Variants in LRRC4C observed in about 807,000 individuals in gnomAD.
LRRC4C encodes the protein leucine-rich repeat-containing protein 4C.
In LRRC4C, 5 loss-of-function variants were observed where a neutral mutation model predicts 33.6. That is an observed-to-expected ratio of 0.15 (90% CI 0.08 to 0.31). The LOEUF is 0.31. Among genes scored for constraint, LRRC4C ranks in the 10% least tolerant of loss-of-function variants. LRRC4C has a pLI of 1.00. For synonymous variants in LRRC4C, 329 were observed against 302.0 expected (o/e 1.09, Z -0.93); for missense variants, 560 against 796.7 (o/e 0.70, Z 3.58).
chr11:40,190,706 T>C (rs1861767596), intron 5 of LRRC4C, among the ~76,000 whole-genome samples: 1 of 152,182 alleles, frequency 6.6e-6, no homozygotes, highest in African/African-American at 2.4e-5. Flanking sequence ...AAAATGATTT[T>C]ACCTGAGGAT....
intron 2 of LRRC4C, among the ~76,000 whole-genome samples, chr11:40,831,121 A>G (rs1952393641): frequency 6.6e-6 from 1 of 152,162 alleles, no homozygotes; most frequent in African/African-American, 2.4e-5. Context: ...GCATAATTCA[A>G]CAAGCTTGCA....
At chr11:40,258,999 G>C (rs570819422) in intron 4 of LRRC4C, among the ~76,000 whole-genome samples, 30 of 152,264 alleles carry the variant, frequency 2.0e-4, no homozygotes, top group African/African-American at 5.3e-4. Context: ...GTATTAACTT[G>C]TTTAATGCTT....
intron 2 of LRRC4C, among the ~76,000 whole-genome samples, chr11:40,834,470 CAAA>C (rs1166883264): frequency 5.6e-5 from 4 of 71,390 alleles, no homozygotes; most frequent in Admixed American, 3.2e-4. Context: ...GATTCCATCT[CAAA>C]AAAAAAAAAA....
chr11:40,909,384 T>A (rs1312462733), intron 2 of LRRC4C, among the ~76,000 whole-genome samples: 1 of 152,172 alleles, frequency 6.6e-6, no homozygotes, highest in African/African-American at 2.4e-5. Context: ...GATAATTATA[T>A]AGAATACATT....
chr11:40,769,011 G>T (rs998731024), intron 2 of LRRC4C, among the ~76,000 whole-genome samples: 4 of 151,854 alleles, frequency 2.6e-5, no homozygotes, highest in African/African-American at 7.3e-5. Context: ...AAAAATTAAG[G>T]GCATCCAAAC....
At chr11:40,869,643 G>A (rs1048051088) in intron 2 of LRRC4C, among the ~76,000 whole-genome samples, 17 of 152,052 alleles carry the variant, frequency 1.1e-4, no homozygotes, top group South Asian at 2.1e-4. Flanking sequence ...TGTTTACAGC[G>A]TCAGTAAACA....
chr11:40,597,802 C>T (rs1488568421), intron 3 of LRRC4C, among the ~76,000 whole-genome samples: 1 of 152,076 alleles, frequency 6.6e-6, no homozygotes, highest in Non-Finnish European at 1.5e-5. Context: ...TCGCAGTCAG[C>T]CCTATAATAA....
intron 1 of LRRC4C, among the ~76,000 whole-genome samples, chr11:41,135,255 G>A (rs1473450578): frequency 6.6e-6 from 1 of 152,080 alleles, no homozygotes; most frequent in African/African-American, 2.4e-5. Flanking sequence ...GCCTAGACAA[G>A]CTTGTCTTTC....
At chr11:40,324,083 G>A (rs139176271) in intron 3 of LRRC4C, among the ~76,000 whole-genome samples, 1 of 152,344 alleles carries the variant, frequency 6.6e-6, no homozygotes, top group African/African-American at 2.4e-5. Flanking sequence ...GTTTATGTGT[G>A]TGTGTTTAGT....
chr11:41,119,541 G>A (rs909631784), intron 1 of LRRC4C, among the ~76,000 whole-genome samples: 1 of 152,192 alleles, frequency 6.6e-6, no homozygotes, highest in African/African-American at 2.4e-5. Flanking sequence ...ACCTGTTGGA[G>A]AATCCCTCAA....
At chr11:40,363,568 TA>T (rs112282046) in intron 3 of LRRC4C, among the ~76,000 whole-genome samples, 44 of 142,634 alleles carry the variant, frequency 3.1e-4, no homozygotes, top group Middle Eastern at 3.6e-3. Flanking sequence ...AAAATAAAAG[TA>T]AAAAAAAAAA....
At chr11:40,150,148 T>C (rs1389564241) in intron 5 of LRRC4C, among the ~76,000 whole-genome samples, 10 of 152,198 alleles carry the variant, frequency 6.6e-5, no homozygotes, top group Admixed American at 2.0e-4. Context: ...CCTTCTTCTC[T>C]TCTCCCTGTG....
At chr11:40,379,141 T>C (rs1948767823) in intron 3 of LRRC4C, among the ~76,000 whole-genome samples, 1 of 152,090 alleles carries the variant, frequency 6.6e-6, no homozygotes. Flanking sequence ...TAAAGATGTT[T>C]GGAGGTGTAT....
rs568167828 is a variant in LRRC4C, at chr11:41,299,525, A to G, written c.-496+159906T>C. On this transcript the variant is annotated intron_variant, in intron 1 of 6. Transcript: ENST00000528697. Reference sequence around the variant, plus strand: ...GTTATCAATCTATATCCTATAGTCAAAAAGTCACCAGTTTGTTTGATCTGT... The same window carrying G: ...GTTATCAATCTATATCCTATAGTCAGAAAGTCACCAGTTTGTTTGATCTGT... 4.6e-5 allele frequency among the ~76,000 whole-genome samples: 7 copies of G among 152,220 alleles called. No homozygotes were observed. In the East Asian group the frequency reaches 1.3e-3, roughly 29 times the overall value.
chr11:41,161,892 T>C (rs1944487456), intron 1 of LRRC4C, among the ~76,000 whole-genome samples: 1 of 152,168 alleles, frequency 6.6e-6, no homozygotes, highest in Admixed American at 6.5e-5. Context: ...CTCTAGGTGG[T>C]TTCACCAATG....
chr11:40,423,437 C>T (rs368353813), intron 3 of LRRC4C, among the ~76,000 whole-genome samples: 1 of 150,864 alleles, frequency 6.6e-6, no homozygotes, highest in Non-Finnish European at 1.5e-5. Flanking sequence ...CTCCGCCTCC[C>T]GGGTTCACGC....
intron 3 of LRRC4C, among the ~76,000 whole-genome samples, chr11:40,444,521 C>T (rs1380305603): frequency 6.6e-6 from 1 of 151,696 alleles, no homozygotes; most frequent in Non-Finnish European, 1.5e-5. Flanking sequence ...AGTGGTTTTA[C>T]TTATATTTAT....
At chr11:40,242,216 G>A (rs1317453091) in intron 4 of LRRC4C, among the ~76,000 whole-genome samples, 2 of 152,034 alleles carry the variant, frequency 1.3e-5, no homozygotes, top group Non-Finnish European at 2.9e-5. Context: ...ATTTTATTAT[G>A]TTAATACACA....
intron 3 of LRRC4C, among the ~76,000 whole-genome samples, chr11:40,533,008 G>A (rs765389139): frequency 2.0e-5 from 3 of 151,982 alleles, no homozygotes; most frequent in Admixed American, 6.6e-5. Flanking sequence ...TCACTATCAC[G>A]AGAACAGCAA....
Sources: allele counts gnomAD v4.1 joint callset (sites outside exome capture counted in the v4.1 genomes callset), GRCh38; gene constraint gnomAD v4.1.1; transcripts MANE v1.5; gene names NCBI Gene and HGNC (gene_info 2026-07-23, HGNC 2026-07-21).